Variants in CRISPLD2 observed in about 807,000 individuals in gnomAD.
CRISPLD2 encodes cysteine rich secretory protein LCCL domain containing 2.
Under a neutral mutation model 71.1 loss-of-function variants are expected in CRISPLD2, and 47 were observed. That is an observed-to-expected ratio of 0.66 (90% CI 0.52 to 0.84). CRISPLD2 has a LOEUF of 0.84. Among genes scored for constraint, CRISPLD2 ranks in the 40% least tolerant of loss-of-function variants. The probability of loss-of-function intolerance (pLI) is 0.00; values close to 1 mark genes in which losing one functional copy is unlikely to be tolerated. For missense variants in CRISPLD2, 830 were observed against 651.1 expected, an observed-to-expected ratio of 1.27 and a Z score of -2.99; for synonymous variants, 317 against 250.1, an observed-to-expected ratio of 1.27 and a Z score of -2.52.
chr16:84,881,832 C>T (rs1373354416), intron 13 of CRISPLD2, among the ~76,000 whole-genome samples: 2 of 152,018 alleles, frequency 1.3e-5, no homozygotes, highest in Non-Finnish European at 2.9e-5. Context: ...CAGCTCTCTC[C>T]CGCTTCCCCG....
Position 84,906,661 on chromosome 16 carries a change from G to C in CRISPLD2, c.*19G>C, listed in dbSNP as rs768999596. On this transcript the variant is annotated 3_prime_UTR_variant, in exon 15 of 15. Coordinates refer to ENST00000262424, the MANE Select transcript of CRISPLD2 (RefSeq NM_031476.4). ...GCAGTGAATTTCCAGCACCAGGGGA[G>C]AAGGGGCGTCTTCAGGAGGGCTTCG... The C allele has an allele frequency of 2.5e-6, 4 of 1,614,014 alleles. No individual in the cohort carries two copies. In the Admixed American group the frequency reaches 6.7e-5, roughly 27 times the overall value.
At chr16:84,854,556 G>C (rs1037433673) in intron 5 of CRISPLD2, among the ~76,000 whole-genome samples, 173 bp from the exon 6 acceptor site, 1 of 152,138 alleles carries the variant, frequency 6.6e-6, no homozygotes, top group African/African-American at 2.4e-5. Flanking sequence ...TAGACTCTCT[G>C]TGCACGGGAG....
rs762274836 is a variant in CRISPLD2, at chr16:84,845,856, C to T, written c.311C>T (p.Thr104Ile). ...ASQCIWEHGPTSLLVSIGQNL... is the reference protein window; with the variant it reads ...ASQCIWEHGPISLLVSIGQNL... ...CAGTGCATCTGGGAGCACGGGCCCA[C>T]CAGTCTGCTGGTGTCCATCGGGCAG... The change falls in exon 3 of 15, where the codon ACC (threonine) becomes ATC (isoleucine). Residue 104 changes from threonine (T) to isoleucine (I), a missense_variant. Transcript: ENST00000262424. 2 of 1,614,090 alleles carry T rather than the reference C, an allele frequency of 1.2e-6. No homozygotes were observed. The highest frequency in any genetic ancestry group is 1.7e-5 in the Admixed American group (1 of 60,030).
intron 14 of CRISPLD2, among the ~76,000 whole-genome samples, chr16:84,902,328 G>A (rs897751566): frequency 6.6e-6 from 1 of 152,106 alleles, no homozygotes; most frequent in South Asian, 2.1e-4. Context: ...ACGATGAACA[G>A]GCCGGGCGCA....
intron 13 of CRISPLD2, among the ~76,000 whole-genome samples, chr16:84,888,372 A>C (rs1199287176): frequency 6.6e-6 from 1 of 152,182 alleles, no homozygotes; most frequent in South Asian, 2.1e-4. Context: ...TGTCCCTACA[A>C]ATAATTTTTA....
rs191533369 is a variant in CRISPLD2 at position 84,857,262 on chromosome 16, A to T, written c.709+2433A>T. On this transcript the variant is annotated intron_variant, in intron 6 of 14. Transcript: ENST00000262424. ...GGCCCATTGGGCGATGACAGAGGTG[A>T]CTGAGGAAAGAGATTGAGTGGTGTC... Among the ~76,000 whole-genome samples, 4 of 152,342 alleles carry T rather than the reference A, an allele frequency of 2.6e-5. 1 individual carries two copies. The South Asian group carries it at 8.3e-4, about 32-fold the overall frequency.
intron 1 of CRISPLD2, among the ~76,000 whole-genome samples, chr16:84,831,309 G>A (rs938609574): frequency 5.3e-5 from 8 of 152,138 alleles, no homozygotes; most frequent in African/African-American, 1.9e-4. Flanking sequence ...GGACATCTGG[G>A]GAAAAATGGC....
chr16:84,872,583 T>C, intron 9 of CRISPLD2, 75 bp downstream of exon 9: 4 of 1,304,608 alleles, frequency 3.1e-6, no homozygotes, highest in Non-Finnish European at 4.4e-6. Flanking sequence ...GTGGTTGGCT[T>C]TAGTAGGAAA....
chr16:84,864,387 C>T (rs1216631874), intron 6 of CRISPLD2, among the ~76,000 whole-genome samples: 3 of 152,178 alleles, frequency 2.0e-5, no homozygotes, highest in East Asian at 1.9e-4. Flanking sequence ...CTGTCTTCGG[C>T]TAAATAAAGC....
intron 12 of CRISPLD2, among the ~76,000 whole-genome samples, chr16:84,878,595 G>C (rs189570752): frequency 2.0e-5 from 3 of 152,218 alleles, no homozygotes; most frequent in African/African-American, 7.2e-5. Context: ...TCTACAGGCA[G>C]CTAACCCCAA....
intron 2 of CRISPLD2, chr16:84,838,978 T>C: frequency 1.5e-6 from 1 of 653,134 alleles, no homozygotes; most frequent in Non-Finnish European, 2.8e-6. Context: ...AACCTTAGAC[T>C]CCCGGGGTTA....
chr16:84,867,033 C>G lies in CRISPLD2; in HGVS notation c.846C>G (p.Asn282Lys), dbSNP rs1476998905. 7 of 1,613,934 alleles carry G rather than the reference C, an allele frequency of 4.3e-6. No individual in the cohort carries two copies. The highest frequency in any genetic ancestry group is 1.6e-4 in the Middle Eastern group (1 of 6,084). The change falls in exon 7 of 15, where the codon AAC becomes AAG. Residue 282 changes from asparagine (N) to lysine (K), a missense_variant. Asn to Lys is a moderately conservative substitution (Grantham distance 94, BLOSUM62 0). Coordinates refer to ENST00000262424, the MANE Select transcript of CRISPLD2 (RefSeq NM_031476.4). ...PTKPKKTSAV[N>K]YMTQVVRCDT... ...AGCCCAAGAAAACCTCTGCGGTCAA[C>G]TACATGAGTGAGTCTAGGCCGTCCT...
chr16:84,828,162 A>G (rs1327072724), intron 1 of CRISPLD2: 1 of 152,254 alleles, frequency 6.6e-6, no homozygotes, highest in African/African-American at 2.4e-5. Flanking sequence ...GCCACCTGTC[A>G]GTGAATCACG....
At chr16:84,845,696 G>T (rs1410308055) in intron 2 of CRISPLD2, 90 bp from the exon 3 acceptor site, 1 of 871,762 alleles carries the variant, frequency 1.1e-6, no homozygotes, top group South Asian at 1.5e-5. Flanking sequence ...AGGCTCCACA[G>T]GAGCCCAGGC....
chr16:84,883,987 G>A (rs1359286711), intron 13 of CRISPLD2, among the ~76,000 whole-genome samples: 1 of 151,956 alleles, frequency 6.6e-6, no homozygotes, highest in Non-Finnish European at 1.5e-5. Context: ...GGGATTACAG[G>A]TGCCCGCCAC....
chr16:84,847,781 C>T (rs1347627396), intron 3 of CRISPLD2, among the ~76,000 whole-genome samples: 2 of 152,164 alleles, frequency 1.3e-5, no homozygotes, highest in Non-Finnish European at 2.9e-5. Context: ...TGGGCGCCGA[C>T]GTAGTTTTAC....
At position 84,858,865 on chromosome 16, in the gene CRISPLD2, A is replaced by G. The variant is rs554519786; in HGVS notation, c.709+4036A>G. 1.9e-3 allele frequency among the ~76,000 whole-genome samples: 290 copies of G among 152,312 alleles called. 1 individual carries two copies. In the Middle Eastern group the frequency reaches 0.02, roughly 11 times the overall value. On this transcript the variant is annotated intron_variant, in intron 6 of 14. Coordinates refer to ENST00000262424, the MANE Select transcript of CRISPLD2 (RefSeq NM_031476.4). ...GGAGATGCGTTAATTTGCTCAAGCA[A>G]TGAAACCACATCTGGTGCAGCAGGT...
intron 6 of CRISPLD2, among the ~76,000 whole-genome samples, chr16:84,857,727 T>A (rs1336537956): frequency 2.6e-5 from 4 of 152,320 alleles, no homozygotes; most frequent in Middle Eastern, 3.4e-3. Context: ...TTTTTTCATC[T>A]GTCAACTGAT....
intron 6 of CRISPLD2, among the ~76,000 whole-genome samples, chr16:84,865,028 C>T (rs1173160775): frequency 1.3e-5 from 2 of 152,202 alleles, no homozygotes; most frequent in East Asian, 3.8e-4. Context: ...CAGGCATTTG[C>T]CCCTCGTTTG....
Sources: allele counts gnomAD v4.1 joint callset (sites outside exome capture counted in the v4.1 genomes callset), GRCh38; gene constraint gnomAD v4.1.1; transcripts MANE v1.5; gene names NCBI Gene and HGNC (gene_info 2026-07-23, HGNC 2026-07-21).